The following NLGN4Y variants were observed in gnomAD, a reference collection of about 807,000 sequenced individuals.
The protein encoded by NLGN4Y is neuroligin-4, Y-linked.
A neutral mutation model predicts 8.4 loss-of-function variants in NLGN4Y; 4 were observed. The ratio of observed to expected loss-of-function variants is 0.48; its 90% CI spans 0.23 to 1.09. The LOEUF (loss-of-function observed/expected upper bound fraction) is 1.09, where lower values mean the gene tolerates loss of function less well. Ranked by LOEUF, NLGN4Y falls within the 50% of genes least tolerant of loss-of-function variation. The pLI is 0.19. For missense variants in NLGN4Y, 90 were observed against 192.3 expected, an observed-to-expected ratio of 0.47 and a Z score of 3.15; for synonymous variants, 35 against 75.6, an observed-to-expected ratio of 0.46 and a Z score of 2.78.
At chrY:14,829,508 C>CGT (rs1325355243) in intron 5 of NLGN4Y, among the ~76,000 whole-genome samples, 2,283 of 29,817 alleles carry the variant, frequency 0.077, no homozygotes, top group East Asian at 0.086. Context: ...TCCTTAAACT[C>CGT]GTGTGTGTGT....
intron 1 of NLGN4Y, among the ~76,000 whole-genome samples, chrY:14,579,020 C>T (rs2080307661): frequency 6.0e-5 from 2 of 33,570 alleles, no homozygotes; most frequent in African/African-American, 2.3e-4. Flanking sequence ...GATGTGTGAT[C>T]GTGTGTTCCT....
intron 2 of NLGN4Y, among the ~76,000 whole-genome samples, chrY:14,701,225 ACG>A (rs2080847645): frequency 3.5e-5 from 1 of 28,477 alleles, no homozygotes; most frequent in East Asian, 1.1e-3. Flanking sequence ...ACACACACAC[ACG>A]CACAATGACA....
chrY:14,752,801 C>G (rs2081045507), intron 4 of NLGN4Y, among the ~76,000 whole-genome samples: 2 of 33,623 alleles, frequency 5.9e-5, no homozygotes, highest in African/African-American at 2.3e-4. Context: ...AACAATTTTG[C>G]TATTCCTTTT....
At position 14,719,484 on chromosome Y, in the gene NLGN4Y, C is replaced by T; in HGVS notation, c.498C>T (p.Asp166=). Residue 166 remains aspartate (D), a synonymous_variant, in exon 3 of 7, where the codon GAC becomes GAT. Transcript: ENST00000684976. ...EDGTNIKRNA[D]DITSNDHGED... ...GAACCAACATAAAGAGAAATGCAGA[C>T]GATATAACCAGTAATGACCATGGTG... is the stretch of plus-strand genomic sequence containing the variant. 8 of 353,011 alleles carry T rather than the reference C, an allele frequency of 2.3e-5. No homozygotes were observed. The highest frequency in any genetic ancestry group is 7.6e-5 in the South Asian group (2 of 26,352). The allele number at this position is 353,011 out of a possible 400,897, so 88.1% of individuals were successfully genotyped here.
chrY:14,672,038 T>C (rs2080712714), intron 2 of NLGN4Y, among the ~76,000 whole-genome samples: 1 of 32,877 alleles, frequency 3.0e-5, no homozygotes, highest in Admixed American at 2.8e-4. Context: ...CTGTGGTTCA[T>C]TGTTACAGGG....
intron 1 of NLGN4Y, among the ~76,000 whole-genome samples, chrY:14,558,148 A>T (rs769616696): frequency 2.1e-4 from 7 of 32,981 alleles, no homozygotes; most frequent in Non-Finnish European, 3.7e-4. Flanking sequence ...ATAATTAATC[A>T]AACTCAAGAC....
At chrY:14,777,103 G>A (rs2081128987) in intron 4 of NLGN4Y, among the ~76,000 whole-genome samples, 1 of 33,094 alleles carries the variant, frequency 3.0e-5, no homozygotes, top group African/African-American at 1.2e-4. Flanking sequence ...CAGCAAAAAA[G>A]AAATGCTACT....
chrY:14,549,405 T>C (rs2080183777), intron 1 of NLGN4Y, among the ~76,000 whole-genome samples: 1 of 33,125 alleles, frequency 3.0e-5, no homozygotes. Context: ...TCAAAATTCA[T>C]CAACAAGTGT....
At chrY:14,822,059 C>T (rs961371682) in intron 4 of NLGN4Y, among the ~76,000 whole-genome samples, 1 of 33,634 alleles carries the variant, frequency 3.0e-5, no homozygotes, top group African/African-American at 1.2e-4. Context: ...TTGTAAAGAG[C>T]GTAAAATTAT....
intron 1 of NLGN4Y, among the ~76,000 whole-genome samples, chrY:14,578,921 A>G: frequency 2.9e-5 from 1 of 34,413 alleles, no homozygotes; most frequent in South Asian, 6.4e-4. Context: ...CTTATCTTGG[A>G]GCAGCTCTTT....
chrY:14,680,565 T>C, intron 2 of NLGN4Y, among the ~76,000 whole-genome samples: 1 of 33,537 alleles, frequency 3.0e-5, no homozygotes, highest in African/African-American at 1.2e-4. Context: ...TATAAGCATA[T>C]GAACAACAGT....
intron 2 of NLGN4Y, among the ~76,000 whole-genome samples, chrY:14,638,612 T>C: frequency 3.0e-5 from 1 of 33,743 alleles, no homozygotes; most frequent in African/African-American, 1.2e-4. Flanking sequence ...CTTAAGATCT[T>C]GTAGTTACTT....
At chrY:14,562,237 A>AT (rs2080230565) in intron 1 of NLGN4Y, among the ~76,000 whole-genome samples, 1 of 33,137 alleles carries the variant, frequency 3.0e-5, no homozygotes, top group Non-Finnish European at 7.4e-5. Context: ...TTTTGATTTG[A>AT]TTTTTGTAAA....
chrY:14,539,935 G>A, intron 1 of NLGN4Y, among the ~76,000 whole-genome samples: 2 of 31,710 alleles, frequency 6.3e-5, no homozygotes, highest in African/African-American at 2.5e-4. Context: ...AAGATAGTTT[G>A]GTGAGAACCA....
At chrY:14,614,346 A>G in intron 1 of NLGN4Y, among the ~76,000 whole-genome samples, 1 of 32,360 alleles carries the variant, frequency 3.1e-5, no homozygotes, top group African/African-American at 1.2e-4. Flanking sequence ...ACCCTTTGTC[A>G]GATGGGTAGA....
chrY:14,823,500 C>T (rs961044674), intron 4 of NLGN4Y, among the ~76,000 whole-genome samples: 3 of 33,500 alleles, frequency 9.0e-5, no homozygotes, highest in East Asian at 7.9e-4. Flanking sequence ...ACATTTAGTA[C>T]GTAATTTATC....
chrY:14,844,232 A>G lies in NLGN4Y; in HGVS notation c.*2970A>G. On this transcript the variant is annotated 3_prime_UTR_variant, in exon 7 of 7. Transcript: ENST00000684976. Reference sequence around the variant, plus strand: ...CTGAAAATGAGTATTTGGTTGTGTTATTTCTACCACTGTTCATTCTTGTGT... The same window carrying G: ...CTGAAAATGAGTATTTGGTTGTGTTGTTTCTACCACTGTTCATTCTTGTGT... The G allele has an allele frequency of 1.3e-5, 1 of 77,194 alleles. No homozygotes were observed. Among genetic ancestry groups the G allele is most frequent in the African/African-American group, 1.1e-4 (1 of 9,102 alleles). 19.3% of individuals were successfully genotyped at this position (77,194 alleles called of 400,897 possible). A position where few individuals can be genotyped will look rare whatever the true frequency, so the allele number is the denominator to read the frequency against.
intron 1 of NLGN4Y, among the ~76,000 whole-genome samples, chrY:14,527,547 G>T (rs2080097894): frequency 3.0e-5 from 1 of 33,525 alleles, no homozygotes; most frequent in Non-Finnish European, 7.4e-5. Flanking sequence ...TTTTGTTTTT[G>T]TCTGAGTACT....
At chrY:14,594,387 G>A (rs987481314) in intron 1 of NLGN4Y, among the ~76,000 whole-genome samples, 8 of 33,112 alleles carry the variant, frequency 2.4e-4, no homozygotes, top group Admixed American at 1.6e-3. Flanking sequence ...GTAGTAAACC[G>A]CACTGATAAC....
Sources: allele counts gnomAD v4.1 joint callset (sites outside exome capture counted in the v4.1 genomes callset), GRCh38; gene constraint gnomAD v4.1.1; transcripts MANE v1.5; gene names NCBI Gene and HGNC (gene_info 2026-07-23, HGNC 2026-07-21).